C4orf36: variants seen among roughly 807,000 people sequenced by gnomAD.
C4orf36 encodes chromosome 4 open reading frame 36.
Under a neutral mutation model 12.2 loss-of-function variants are expected in C4orf36, and 11 were observed. That is an observed-to-expected ratio of 0.90 (90% CI 0.57 to 1.49). C4orf36 has a LOEUF of 1.49. C4orf36 is among the 40% of genes most tolerant of loss of function. The pLI is 0.00. For synonymous variants in C4orf36, 54 were observed against 51.3 expected, an observed-to-expected ratio of 1.05 and a Z score of -0.22; for missense variants, 137 against 133.9, an observed-to-expected ratio of 1.02 and a Z score of -0.11.
intron 4 of C4orf36, 103 bp downstream of exon 4, chr4:86,887,655 G>A: frequency 1.5e-6 from 2 of 1,373,724 alleles, no homozygotes; most frequent in Non-Finnish European, 2.0e-6. Flanking sequence ...ATCCACCAGT[G>A]GGCATTCAAA....
chr4:86,913,836 T>TC, the C4orf36 span: 2 of 1,013,318 alleles, frequency 2.0e-6, no homozygotes, highest in Non-Finnish European at 3.0e-6. Context: ...TTTTTTTTTT[T>TC]TTTTTTTTTT....
At chr4:86,901,626 T>A in the C4orf36 span, among the ~76,000 whole-genome samples, 1 of 151,376 alleles carries the variant, frequency 6.6e-6, no homozygotes, top group Non-Finnish European at 1.5e-5. Flanking sequence ...TTAGCCAGGA[T>A]GGTCTCGATT....
the C4orf36 span, chr4:86,934,927 C>G: frequency 6.6e-6 from 1 of 152,012 alleles, no homozygotes; most frequent in Admixed American, 6.5e-5. Context: ...GGTACCGCAG[C>G]TCGGGAGGTG....
chr4:86,885,201 G>A (rs1036119832), intron 4 of C4orf36, among the ~76,000 whole-genome samples: 5 of 152,134 alleles, frequency 3.3e-5, no homozygotes, highest in Non-Finnish European at 5.9e-5. Flanking sequence ...GGTTCCATAT[G>A]AACTTTGAAG....
chr4:86,896,489 A>C (rs1299091619), upstream of C4orf36, among the ~76,000 whole-genome samples: 1 of 152,200 alleles, frequency 6.6e-6, no homozygotes, highest in Non-Finnish European at 1.5e-5. Flanking sequence ...CGACAAAACA[A>C]CACATCTGCA....
chr4:86,914,494 G>C, the C4orf36 span: 5 of 523,386 alleles, frequency 9.6e-6, no homozygotes, highest in African/African-American at 1.0e-4. Context: ...TCCACCTCTT[G>C]GGTACCAGCA....
At chr4:86,915,832 G>A in the C4orf36 span, among the ~76,000 whole-genome samples, 3 of 152,142 alleles carry the variant, frequency 2.0e-5, no homozygotes, top group Non-Finnish European at 4.4e-5. Flanking sequence ...TTTGGACTCA[G>A]ATATACAAGG....
chr4:86,922,123 G>C, the C4orf36 span, among the ~76,000 whole-genome samples: 1 of 152,078 alleles, frequency 6.6e-6, no homozygotes, highest in Non-Finnish European at 1.5e-5. Flanking sequence ...TAGGCAACAA[G>C]GAATGCTAGA....
At chr4:86,878,195 C>T (rs999919754) in intron 4 of C4orf36, among the ~76,000 whole-genome samples, 5 of 152,098 alleles carry the variant, frequency 3.3e-5, no homozygotes, top group African/African-American at 1.2e-4. Context: ...ATGGCACCGA[C>T]AGACTGGAGC....
the C4orf36 span, among the ~76,000 whole-genome samples, chr4:86,902,736 T>C: frequency 2.6e-5 from 4 of 152,222 alleles, no homozygotes; most frequent in Admixed American, 6.5e-5. Flanking sequence ...TTCTGACACC[T>C]GTGCTGACAA....
the C4orf36 span, among the ~76,000 whole-genome samples, chr4:86,901,658 G>A: frequency 5.3e-5 from 8 of 151,970 alleles, no homozygotes; most frequent in South Asian, 2.1e-4. Flanking sequence ...TGATCTGCCC[G>A]CCTCGGCCTC....
the C4orf36 span, among the ~76,000 whole-genome samples, chr4:86,916,232 G>A: frequency 3.3e-5 from 5 of 152,112 alleles, no homozygotes; most frequent in African/African-American, 1.2e-4. Flanking sequence ...ATGGGGAATA[G>A]GTATGTTGAT....
chr4:86,882,514 A>G (rs1003068125), intron 4 of C4orf36, among the ~76,000 whole-genome samples: 5 of 152,180 alleles, frequency 3.3e-5, no homozygotes, highest in African/African-American at 9.7e-5. Context: ...GCTAAATTCC[A>G]TAACAACAGG....
the C4orf36 span, among the ~76,000 whole-genome samples, chr4:86,924,340 C>T: frequency 4.6e-5 from 7 of 152,196 alleles, no homozygotes; most frequent in African/African-American, 1.7e-4. Context: ...GCTGGGATTA[C>T]AGACGTGCAT....
chr4:86,907,281 G>C, the C4orf36 span, among the ~76,000 whole-genome samples: 1 of 152,204 alleles, frequency 6.6e-6, no homozygotes, highest in Non-Finnish European at 1.5e-5. Context: ...ATTTTAAAGA[G>C]GCTTCCCAGT....
the C4orf36 span, among the ~76,000 whole-genome samples, chr4:86,917,143 G>T: frequency 6.6e-6 from 1 of 152,156 alleles, no homozygotes; most frequent in Non-Finnish European, 1.5e-5. Flanking sequence ...AGCTGGGCTT[G>T]GTGGCGTGTG....
chr4:86,914,092 T>C, the C4orf36 span: 1 of 1,608,438 alleles, frequency 6.2e-7, no homozygotes, highest in African/African-American at 1.3e-5. Flanking sequence ...ATGTGCTTGC[T>C]CACCCACCAG....
the C4orf36 span, among the ~76,000 whole-genome samples, chr4:86,917,046 G>C: frequency 2.6e-5 from 4 of 152,188 alleles, no homozygotes; most frequent in Non-Finnish European, 5.9e-5. Flanking sequence ...GGGAGGCCAA[G>C]GTGGGAAGAT....
chr4:86,880,384 T>G (rs10021020), intron 4 of C4orf36, among the ~76,000 whole-genome samples: 59,134 of 151,948 alleles, frequency 0.39, 12,264 homozygotes, highest in Non-Finnish European at 0.45. Context: ...AGCCCAGGAG[T>G]TGGAGGTTGC....
Sources: gnomAD v4.1 joint callset for allele counts (sites outside exome capture counted in the v4.1 genomes callset) on GRCh38, gnomAD v4.1.1 for gene constraint, MANE v1.5 for transcripts, NCBI Gene and HGNC (gene_info 2026-07-23, HGNC 2026-07-21) for gene names.